Variants in LUZP2 observed in about 807,000 individuals in gnomAD.
LUZP2 encodes the protein leucine zipper protein 2.
A neutral mutation model predicts 51.6 loss-of-function variants in LUZP2; 52 were observed. The ratio of observed to expected loss-of-function variants is 1.01; its 90% CI spans 0.81 to 1.27. The LOEUF (loss-of-function observed/expected upper bound fraction) is 1.27. Ranked by LOEUF, LUZP2 falls within the 50% of genes most tolerant of loss-of-function variation. LUZP2 has a pLI of 0.00. For missense variants in LUZP2, 436 were observed against 395.4 expected (o/e 1.10, Z -0.87); for synonymous variants, 154 against 137.3 (o/e 1.12, Z -0.85).
At chr11:24,623,181 C>T (rs1240400915) in intron 1 of LUZP2, among the ~76,000 whole-genome samples, 1 of 151,734 alleles carries the variant, frequency 6.6e-6, no homozygotes, top group Non-Finnish European at 1.5e-5. Flanking sequence ...AAATCTATTC[C>T]TTTTATTAAT....
chr11:25,052,503 C>A (rs1218393002), intron 10 of LUZP2, among the ~76,000 whole-genome samples: 1 of 152,074 alleles, frequency 6.6e-6, no homozygotes, highest in Non-Finnish European at 1.5e-5. Flanking sequence ...TCATAAGAAC[C>A]CTCTGGGGAG....
At chr11:24,618,246 T>C (rs1854360825) in intron 1 of LUZP2, among the ~76,000 whole-genome samples, 1 of 152,210 alleles carries the variant, frequency 6.6e-6, no homozygotes, top group Non-Finnish European at 1.5e-5. Flanking sequence ...AATGTTTCAT[T>C]ACTGCTGGAT....
At chr11:24,750,556 T>G (rs973075313) in intron 4 of LUZP2, among the ~76,000 whole-genome samples, 1 of 152,214 alleles carries the variant, frequency 6.6e-6, no homozygotes, top group Non-Finnish European at 1.5e-5. Flanking sequence ...TGGTAACTTA[T>G]AATAATGTAT....
intron 10 of LUZP2, among the ~76,000 whole-genome samples, chr11:25,055,587 G>A (rs1348325103): frequency 6.6e-6 from 1 of 152,066 alleles, no homozygotes; most frequent in Admixed American, 6.6e-5. Flanking sequence ...TAGTTGCAGT[G>A]TTGATTTTAA....
intron 1 of LUZP2, among the ~76,000 whole-genome samples, chr11:24,534,584 T>G: frequency 6.6e-6 from 1 of 151,370 alleles, no homozygotes; most frequent in East Asian, 1.9e-4. Flanking sequence ...TTTAAAAGGA[T>G]AAAGTAAATA....
chr11:25,060,092 C>T (rs1858793636), intron 10 of LUZP2, among the ~76,000 whole-genome samples: 1 of 152,188 alleles, frequency 6.6e-6, no homozygotes, highest in East Asian at 1.9e-4. Flanking sequence ...AGAATCAGAG[C>T]CTCAGTAAGT....
chr11:24,935,732 A>G (rs910580492), intron 7 of LUZP2, among the ~76,000 whole-genome samples: 1 of 152,186 alleles, frequency 6.6e-6, no homozygotes, highest in African/African-American at 2.4e-5. Context: ...GTCCTGATGT[A>G]TATAATATTA....
At chr11:24,615,257 C>G (rs1854248599) in intron 1 of LUZP2, among the ~76,000 whole-genome samples, 2 of 151,878 alleles carry the variant, frequency 1.3e-5, no homozygotes, top group African/African-American at 2.4e-5. Flanking sequence ...AGAACAGTTT[C>G]ATCATCACAG....
chr11:25,044,001 A>T (rs1367072855), intron 9 of LUZP2, among the ~76,000 whole-genome samples: 3 of 120,176 alleles, frequency 2.5e-5, no homozygotes, highest in Non-Finnish European at 5.4e-5. Context: ...CATATATCTG[A>T]TATATAGTCT....
At chr11:24,779,768 A>G (rs530596100) in intron 5 of LUZP2, among the ~76,000 whole-genome samples, 21 of 152,294 alleles carry the variant, frequency 1.4e-4, no homozygotes, top group Admixed American at 5.2e-4. Context: ...ATCCTGGATA[A>G]TTTCAGTAGA....
intron 1 of LUZP2, among the ~76,000 whole-genome samples, chr11:24,595,457 G>A (rs1233547291): frequency 1.3e-5 from 2 of 152,066 alleles, no homozygotes; most frequent in Non-Finnish European, 2.9e-5. Flanking sequence ...CATTCTCTTC[G>A]GGGGCAAAGC....
At chr11:24,553,033 C>A (rs531686945) in intron 1 of LUZP2, among the ~76,000 whole-genome samples, 1 of 151,462 alleles carries the variant, frequency 6.6e-6, no homozygotes, top group Non-Finnish European at 1.5e-5. Context: ...GACATTAAGA[C>A]ATACACATAC....
intron 9 of LUZP2, among the ~76,000 whole-genome samples, chr11:25,024,080 C>A (rs372772669): frequency 2.0e-5 from 3 of 151,938 alleles, no homozygotes; most frequent in African/African-American, 2.4e-5. Context: ...GGAGTAAGTG[C>A]GATGTGGTGC....
chr11:24,926,623 ATG>A (rs1487722523), intron 7 of LUZP2, among the ~76,000 whole-genome samples: 1 of 142,790 alleles, frequency 7.0e-6, no homozygotes, highest in Non-Finnish European at 1.5e-5. Flanking sequence ...GTATATATAT[ATG>A]TGTGTATATA....
rs559261957 is a variant in LUZP2, at chr11:24,564,666, A to T, written c.62+67361A>T. On this transcript the variant is annotated intron_variant, in intron 1 of 11. Coordinates refer to ENST00000336930, the MANE Select transcript of LUZP2 (RefSeq NM_001009909.4). ...CTCATTTATCTAGAAGCTACTGTTG[A>T]TAAAGTGTTTGAGGGGAACAAGAGC... 3.3e-5 allele frequency among the ~76,000 whole-genome samples: 5 copies of T among 152,278 alleles called. No homozygotes were observed. In the East Asian group the frequency reaches 7.7e-4, roughly 24 times the overall value.
intron 5 of LUZP2, among the ~76,000 whole-genome samples, chr11:24,787,736 T>A (rs1337393610): frequency 1.3e-5 from 2 of 152,200 alleles, no homozygotes; most frequent in Non-Finnish European, 2.9e-5. Flanking sequence ...AAGCATCAGG[T>A]TTATATATAA....
chr11:25,028,104 A>G (rs944075569), intron 9 of LUZP2, among the ~76,000 whole-genome samples: 1 of 152,114 alleles, frequency 6.6e-6, no homozygotes, highest in African/African-American at 2.4e-5. Context: ...GTATACTTAT[A>G]GGTTATACGA....
intron 1 of LUZP2, among the ~76,000 whole-genome samples, chr11:24,629,816 G>A (rs1854816160): frequency 6.6e-6 from 1 of 151,780 alleles, no homozygotes. Context: ...CCAAAATAGT[G>A]TATAAGTGTT....
chr11:24,942,716 A>T (rs183791553), intron 7 of LUZP2, among the ~76,000 whole-genome samples: 1 of 152,132 alleles, frequency 6.6e-6, no homozygotes, highest in Admixed American at 6.5e-5. Context: ...GGGAAAAAAA[A>T]CTTTTATTTT....
Sources: allele counts gnomAD v4.1 joint callset (sites outside exome capture counted in the v4.1 genomes callset), GRCh38; gene constraint gnomAD v4.1.1; transcripts MANE v1.5; gene names NCBI Gene and HGNC (gene_info 2026-07-23, HGNC 2026-07-21).